The following QTMAN variants were observed in gnomAD, a reference collection of about 807,000 sequenced individuals.
The protein encoded by QTMAN is queuosine-tRNA mannosyltransferase.
chr2:143,960,365 GC>G, the QTMAN span, among the ~76,000 whole-genome samples: 1 of 152,096 alleles, frequency 6.6e-6, no homozygotes, highest in African/African-American at 2.4e-5. Context: ...GGAGGGAGGG[GC>G]ACTGGATGGT....
At chr2:143,942,201 T>C in the QTMAN span, 11 of 167,232 alleles carry the variant, frequency 6.6e-5, no homozygotes, top group African/African-American at 2.4e-4. Context: ...ATTAAGATCC[T>C]CTCCTTGGGG....
chr2:144,092,827 ACTAT>A, the QTMAN span, among the ~76,000 whole-genome samples: 4 of 151,502 alleles, frequency 2.6e-5, no homozygotes, highest in African/African-American at 4.9e-5. Context: ...CTTAAAGAAC[ACTAT>A]CTATAAATAA....
At chr2:144,177,571 A>G in the QTMAN span, among the ~76,000 whole-genome samples, 4 of 152,196 alleles carry the variant, frequency 2.6e-5, no homozygotes, top group African/African-American at 9.6e-5. Context: ...TGAGTTGTTG[A>G]GTCAACTTGG....
chr2:144,313,969 G>C, the QTMAN span, among the ~76,000 whole-genome samples: 1 of 151,406 alleles, frequency 6.6e-6, no homozygotes, highest in Non-Finnish European at 1.5e-5. Flanking sequence ...TTTAGGAAAA[G>C]TTATACATAT....
chr2:144,047,724 T>C, the QTMAN span, among the ~76,000 whole-genome samples: 25 of 152,248 alleles, frequency 1.6e-4, no homozygotes, highest in African/African-American at 5.8e-4. Context: ...TATTCTTATC[T>C]ATTCTTACCA....
At chr2:144,137,759 CAGAG>C in the QTMAN span, among the ~76,000 whole-genome samples, 650 of 152,074 alleles carry the variant, frequency 4.3e-3, 5 homozygotes, top group Non-Finnish European at 7.3e-3. Context: ...CAGAGACAGA[CAGAG>C]AGAGATCTCA....
At chr2:144,165,375 A>C in the QTMAN span, among the ~76,000 whole-genome samples, 1 of 150,172 alleles carries the variant, frequency 6.7e-6, no homozygotes, top group Non-Finnish European at 1.5e-5. Context: ...CGTCTCAAAA[A>C]AATAAATAAA....
At chr2:144,036,887 G>A in the QTMAN span, among the ~76,000 whole-genome samples, 1 of 152,088 alleles carries the variant, frequency 6.6e-6, no homozygotes, top group Non-Finnish European at 1.5e-5. Context: ...TCCCTTCATA[G>A]ATAAATGAAT....
At chr2:144,316,326 T>C in the QTMAN span, among the ~76,000 whole-genome samples, 28 of 152,170 alleles carry the variant, frequency 1.8e-4, no homozygotes, top group African/African-American at 6.5e-4. Flanking sequence ...GCTGCATATA[T>C]CTGCTTGTAA....
the QTMAN span, among the ~76,000 whole-genome samples, chr2:144,130,565 TATC>T: frequency 6.6e-6 from 1 of 151,940 alleles, no homozygotes; most frequent in Non-Finnish European, 1.5e-5. Flanking sequence ...GAAAGAACAA[TATC>T]ATTTTGTGAA....
chr2:144,036,714 AAAAAG>A, the QTMAN span, among the ~76,000 whole-genome samples: 1 of 152,182 alleles, frequency 6.6e-6, no homozygotes, highest in Non-Finnish European at 1.5e-5. Context: ...ATCCAGTTTC[AAAAAG>A]AACCTTAATG....
chr2:144,308,937 T>C, the QTMAN span, among the ~76,000 whole-genome samples: 1 of 152,098 alleles, frequency 6.6e-6, no homozygotes, highest in Non-Finnish European at 1.5e-5. Flanking sequence ...CAAGAAACAA[T>C]CCAACGTTTT....
At chr2:144,255,861 A>T in the QTMAN span, among the ~76,000 whole-genome samples, 5 of 152,204 alleles carry the variant, frequency 3.3e-5, no homozygotes, top group Non-Finnish European at 7.3e-5. Context: ...GTTGATAATG[A>T]TGTATAAATA....
the QTMAN span, among the ~76,000 whole-genome samples, chr2:144,122,045 A>T: frequency 6.6e-6 from 1 of 152,126 alleles, no homozygotes; most frequent in Non-Finnish European, 1.5e-5. Flanking sequence ...AATAGAGATG[A>T]CTCTTTTTTA....
the QTMAN span, among the ~76,000 whole-genome samples, chr2:144,086,996 T>G: frequency 1.3e-5 from 2 of 152,138 alleles, no homozygotes; most frequent in Non-Finnish European, 2.9e-5. Context: ...TAATTTGAGA[T>G]CCTATCATTT....
the QTMAN span, among the ~76,000 whole-genome samples, chr2:144,133,100 A>T: frequency 1.3e-5 from 1 of 76,146 alleles, no homozygotes; most frequent in Non-Finnish European, 2.3e-5. Flanking sequence ...GCATTACCCA[A>T]AATGGAATGA....
At chr2:144,049,466 T>C in the QTMAN span, among the ~76,000 whole-genome samples, 1 of 152,054 alleles carries the variant, frequency 6.6e-6, no homozygotes, top group Non-Finnish European at 1.5e-5. Flanking sequence ...CTATTATCAA[T>C]AAAATGCAAT....
the QTMAN span, among the ~76,000 whole-genome samples, chr2:144,101,400 A>T: frequency 7.4e-5 from 11 of 148,628 alleles, no homozygotes; most frequent in South Asian, 4.2e-4. Context: ...TCTCTCACAC[A>T]CACACACACA....
At chr2:144,331,465 T>C in the QTMAN span, among the ~76,000 whole-genome samples, 27 of 151,484 alleles carry the variant, frequency 1.8e-4, no homozygotes, top group African/African-American at 6.3e-4. Flanking sequence ...CTGAAATCCA[T>C]CTCGTATGGA....
Sources: gnomAD v4.1 joint callset for allele counts (sites outside exome capture counted in the v4.1 genomes callset) on GRCh38, gnomAD v4.1.1 for gene constraint, MANE v1.5 for transcripts, NCBI Gene and HGNC (gene_info 2026-07-23, HGNC 2026-07-21) for gene names.